Variants in PLCG2 observed in about 807,000 individuals in gnomAD.
PLCG2 encodes the protein phospholipase C gamma 2.
In PLCG2, 69 loss-of-function variants were observed where a neutral mutation model predicts 175.6. The observed-to-expected ratio is 0.39, with a 90% CI of 0.32 to 0.48. The LOEUF is 0.48. Among genes scored for constraint, PLCG2 ranks in the 20% least tolerant of loss-of-function variants. PLCG2 has a pLI of 0.91. For synonymous variants in PLCG2, 827 were observed against 624.0 expected, an observed-to-expected ratio of 1.33 and a Z score of -4.85; for missense variants, 1,798 against 1,650.9, an observed-to-expected ratio of 1.09 and a Z score of -1.54.
chr16:81,936,499 A>C, intron 27 of PLCG2, 121 bp downstream of exon 27: 1 of 772,308 alleles, frequency 1.3e-6, no homozygotes, highest in Non-Finnish European at 2.2e-6. Context: ...TGTCCGAGGG[A>C]CTGCACGGTT....
At chr16:81,955,057 A>G (rs772226704) in intron 31 of PLCG2, among the ~76,000 whole-genome samples, 1 of 152,182 alleles carries the variant, frequency 6.6e-6, no homozygotes, top group Admixed American at 6.5e-5. Context: ...AGTCATTACT[A>G]AGTGAAGTCA....
intron 2 of PLCG2, among the ~76,000 whole-genome samples, chr16:81,792,040 G>A (rs1911255218): frequency 6.6e-6 from 1 of 152,206 alleles, no homozygotes; most frequent in Non-Finnish European, 1.5e-5. Flanking sequence ...TCTTAGAGAA[G>A]GAATGGCATG....
chr16:81,745,167 G>T (rs901759827), intron 1 of PLCG2, among the ~76,000 whole-genome samples: 12 of 152,118 alleles, frequency 7.9e-5, no homozygotes, highest in African/African-American at 2.7e-4. Flanking sequence ...GGTTGTGTTG[G>T]GTAACCCAGC....
chr16:81,753,156 C>T (rs1040893566), intron 1 of PLCG2, among the ~76,000 whole-genome samples: 47 of 152,038 alleles, frequency 3.1e-4, no homozygotes, highest in African/African-American at 8.9e-4. Flanking sequence ...CACACCCCCT[C>T]GGCCCTGCCT....
At position 81,919,682 on chromosome 16, in the gene PLCG2, T is replaced by C. The variant is rs1376007713; in HGVS notation, c.2235+18T>C. 6.2e-7 allele frequency: 1 copy of C among 1,600,032 alleles called. No individual in the cohort carries two copies. Among genetic ancestry groups the C allele is most frequent in the African/African-American group, 1.3e-5 (1 of 74,540 alleles). ...ACAATATGGTAGGTGGTGGACTCCC[T>C]TGTGATTTGGTGGGATTTCTTGTCT... On this transcript the variant is annotated intron_variant, in intron 20 of 32. Coordinates refer to ENST00000564138, the MANE Select transcript of PLCG2 (RefSeq NM_002661.5).
intron 22 of PLCG2, among the ~76,000 whole-genome samples, chr16:81,925,573 G>A (rs1910230957): frequency 6.6e-6 from 1 of 152,134 alleles, no homozygotes; most frequent in Non-Finnish European, 1.5e-5. Flanking sequence ...CCACCACCAC[G>A]GAGCACAGAC....
At position 81,927,146 on chromosome 16, in the gene PLCG2, T is replaced by A. The variant is rs1417603822; in HGVS notation, c.2482T>A (p.Ser828Thr). The change falls in exon 23 of 33, where the codon TCA becomes ACA. Residue 828 changes from serine (S) to threonine (T), a missense_variant. Ser to Thr is a moderately conservative substitution (Grantham distance 58). Transcript: ENST00000564138. ...YFPSNYVEDI[S>T]TADFEELEKQ... Reference sequence around the variant, plus strand: ...CCCATCCAACTACGTCGAGGACATCTCAACTGCAGACTTCGAGGAGCTAGA... The same window carrying A: ...CCCATCCAACTACGTCGAGGACATCACAACTGCAGACTTCGAGGAGCTAGA... 1 of 1,613,576 alleles carries A rather than the reference T, an allele frequency of 6.2e-7. No homozygotes were observed. Among genetic ancestry groups the A allele is most frequent in the African/African-American group, 1.3e-5 (1 of 75,014 alleles).
At chr16:81,901,418 G>A (rs558757805) in intron 14 of PLCG2, among the ~76,000 whole-genome samples, 29 of 152,290 alleles carry the variant, frequency 1.9e-4, no homozygotes, top group African/African-American at 6.5e-4. Context: ...TTCCCCATGC[G>A]AGGGAGAATG....
At chr16:81,896,365 A>AACACACACAC (rs57375866) in intron 13 of PLCG2, among the ~76,000 whole-genome samples, 4 of 121,080 alleles carry the variant, frequency 3.3e-5, no homozygotes, top group African/African-American at 1.3e-4. Context: ...TCTCTACCAA[A>AACACACACAC]ACACACACAC....
intron 29 of PLCG2, among the ~76,000 whole-genome samples, chr16:81,939,291 C>T (rs1248663764): frequency 3.3e-5 from 5 of 152,092 alleles, no homozygotes; most frequent in African/African-American, 9.7e-5. Flanking sequence ...ATCAGCCTAA[C>T]CTGGGAGATC....
chr16:81,832,954 C>G (rs566442824), intron 2 of PLCG2, among the ~76,000 whole-genome samples: 1 of 152,332 alleles, frequency 6.6e-6, no homozygotes, highest in African/African-American at 2.4e-5. Context: ...GTGTGCCCAG[C>G]TTGCTGCTGG....
chr16:81,957,294 GTCAAACAAACAA>G (rs1911613550), intron 32 of PLCG2, among the ~76,000 whole-genome samples: 1 of 149,370 alleles, frequency 6.7e-6, no homozygotes, highest in African/African-American at 2.5e-5. Context: ...GGGAGACTCT[GTCAAACAAACAA>G]ACAAACAAAC....
intron 15 of PLCG2, among the ~76,000 whole-genome samples, chr16:81,905,809 A>T (rs1221509602): frequency 6.6e-6 from 1 of 151,966 alleles, no homozygotes; most frequent in Non-Finnish European, 1.5e-5. Flanking sequence ...ACACGTGCGC[A>T]CCACCATGCC....
At position 81,939,884 on chromosome 16, in the gene PLCG2, C is replaced by T. The variant is rs781722074; in HGVS notation, c.3314-8C>T. On this transcript the variant is annotated splice_polypyrimidine_tract_variant and splice_region_variant and intron_variant, in intron 29 of 32. Coordinates refer to ENST00000564138, the MANE Select transcript of PLCG2 (RefSeq NM_002661.5). ...TGTGGCCTCTCATGAGCTTTGATCT[C>T]CTTCCAGATGATAATGGCCTCAGCC... 12 of 1,608,974 alleles carry T rather than the reference C, an allele frequency of 7.5e-6. No individual in the cohort carries two copies. In the East Asian group the frequency reaches 2.7e-4, roughly 36 times the overall value.
At chr16:81,853,825 T>C (rs926184059) in intron 2 of PLCG2, among the ~76,000 whole-genome samples, 7 of 152,244 alleles carry the variant, frequency 4.6e-5, no homozygotes, top group African/African-American at 1.7e-4. Context: ...CTCTGGACTG[T>C]TACCAGAGTC....
chr16:81,938,960 G>A (rs761534523), intron 29 of PLCG2, 45 bp downstream of exon 29: 12 of 1,125,540 alleles, frequency 1.1e-5, no homozygotes, highest in Non-Finnish European at 1.3e-6. Context: ...CGTCCGGCCA[G>A]TGAATCCTTT....
intron 2 of PLCG2, among the ~76,000 whole-genome samples, chr16:81,843,562 G>A (rs922669234): frequency 6.6e-6 from 1 of 152,154 alleles, no homozygotes; most frequent in South Asian, 2.1e-4. Context: ...TATTTTTCGC[G>A]TGAATACAAA....
chr16:81,778,016 C>CAAAAAAAAAAAAAAA (rs753644088), upstream of PLCG2, among the ~76,000 whole-genome samples: 2 of 49,092 alleles, frequency 4.1e-5, no homozygotes, highest in African/African-American at 9.8e-5. Context: ...GACTTTGTCT[C>CAAAAAAAAAAAAAAA]AAAAAAAAAA....
Position 81,860,212 on chromosome 16 carries a change from A to AT in PLCG2, c.479+1058dup, listed in dbSNP as rs1331173665. Among the ~76,000 whole-genome samples the AT allele has an allele frequency of 5.2e-3, 715 of 136,618 alleles. 7 individuals carry two copies. The highest frequency in any genetic ancestry group is 0.02 in the African/African-American group (673 of 34,366). The allele number at this position is 136,618 out of a possible 152,430, so 89.6% of individuals were successfully genotyped here. ...TGTAAAGGTGAAGTCTTACCCAGACATTTTTTTTTAAAAAAAGCAAACGCA... is the reference window on the plus strand; with the variant it reads ...TGTAAAGGTGAAGTCTTACCCAGACATTTTTTTTTTAAAAAAAGCAAACGCA... On this transcript the variant is annotated intron_variant, in intron 5 of 32. Coordinates refer to ENST00000564138, the MANE Select transcript of PLCG2 (RefSeq NM_002661.5).
Sources: allele counts gnomAD v4.1 joint callset (sites outside exome capture counted in the v4.1 genomes callset), GRCh38; gene constraint gnomAD v4.1.1; transcripts MANE v1.5; gene names NCBI Gene and HGNC (gene_info 2026-07-23, HGNC 2026-07-21).